The following GIPC2 variants were observed in gnomAD, a reference collection of about 807,000 sequenced individuals.
GIPC2 encodes GIPC PDZ domain containing family member 2, also known as PDZ domain-containing protein GIPC2.
A neutral mutation model predicts 30.6 loss-of-function variants in GIPC2; 30 were observed. That is an observed-to-expected ratio of 0.98 (90% confidence interval 0.73 to 1.33). The LOEUF is 1.33. Ranked by LOEUF, GIPC2 falls within the 40% of genes most tolerant of loss-of-function variation. The probability of loss-of-function intolerance (pLI) is 0.00; values close to 1 mark genes in which losing one functional copy is unlikely to be tolerated. For missense variants in GIPC2, 414 were observed against 390.3 expected (o/e 1.06, Z -0.51); for synonymous variants, 167 against 150.0 (o/e 1.11, Z -0.83).
chr1:78,119,403 G>A lies in GIPC2; in HGVS notation c.618G>A (p.Leu206=). 2.5e-6 allele frequency: 4 copies of A among 1,596,716 alleles called. No individual in the cohort carries two copies. Among genetic ancestry groups the A allele is most frequent in the South Asian group, 1.1e-5 (1 of 90,548 alleles). Residue 206 remains leucine (L), a synonymous_variant, in exon 4 of 6, where the codon CTG becomes CTA. Coordinates refer to ENST00000370759, the MANE Select transcript of GIPC2 (RefSeq NM_017655.6). ...TTCATTGTATTGTAGAAATAGAGCT[G>A]AGGTCAAAGGCTGGAAAGTCATCAG... The part of the protein sequence containing the change: ...IEPKKAFEIE[L]RSKAGKSSGE...
rs553668120 is a variant in GIPC2, at chr1:78,066,526, A to G, written c.241-14149A>G. Among the ~76,000 whole-genome samples, 112 of 152,324 alleles carry G rather than the reference A, an allele frequency of 7.4e-4. 3 individuals are homozygous for G. In the South Asian group the frequency reaches 0.022, roughly 30 times the overall value. ...ACATACCATTTGACCCAGCAATCCC[A>G]TTACTGGATATATACCCAAAGGAAT... On this transcript the variant is annotated intron_variant, in intron 1 of 5. Coordinates refer to ENST00000370759, the MANE Select transcript of GIPC2 (RefSeq NM_017655.6).
chr1:78,128,385 G>A (rs640134), intron 5 of GIPC2, among the ~76,000 whole-genome samples: 37,553 of 152,054 alleles, frequency 0.25, 5,052 homozygotes, highest in East Asian at 0.62. Flanking sequence ...AATCCATGCT[G>A]TGGTCTGGAG....
At chr1:78,056,999 C>G (rs1430121203) in intron 1 of GIPC2, among the ~76,000 whole-genome samples, 2 of 152,106 alleles carry the variant, frequency 1.3e-5, no homozygotes, top group Non-Finnish European at 2.9e-5. Context: ...TTCCTGTAGT[C>G]TAGTTTGGCA....
chr1:78,074,050 T>C (rs948054521), intron 1 of GIPC2, among the ~76,000 whole-genome samples: 15 of 152,154 alleles, frequency 9.9e-5, no homozygotes, highest in African/African-American at 3.6e-4. Flanking sequence ...GGATAGTTTT[T>C]TTATGAGGAG....
intron 1 of GIPC2, among the ~76,000 whole-genome samples, chr1:78,070,219 T>C (rs1661591563): frequency 1.3e-5 from 2 of 152,182 alleles, no homozygotes; most frequent in Admixed American, 1.3e-4. Flanking sequence ...TCCACAAATC[T>C]CTTTACTAAT....
chr1:78,092,108 A>G (rs1662053196), intron 2 of GIPC2: 1 of 1,134,182 alleles, frequency 8.8e-7, no homozygotes, highest in Non-Finnish European at 1.3e-6. Context: ...CCTGTGGTAT[A>G]TGGAAAAGTA....
At chr1:78,095,421 A>G (rs1409887106) in intron 3 of GIPC2, among the ~76,000 whole-genome samples, 2 of 152,198 alleles carry the variant, frequency 1.3e-5, no homozygotes, top group Admixed American at 6.5e-5. Flanking sequence ...ATCTCTGAGA[A>G]CAGCACATTG....
upstream of GIPC2, chr1:78,045,853 G>T: frequency 5.4e-6 from 7 of 1,308,382 alleles, no homozygotes; most frequent in Non-Finnish European, 5.8e-6. Context: ...CTGGTGATAG[G>T]ATGAGGGACT....
At chr1:78,070,108 C>T (rs1661589786) in intron 1 of GIPC2, among the ~76,000 whole-genome samples, 1 of 152,180 alleles carries the variant, frequency 6.6e-6, no homozygotes, top group South Asian at 2.1e-4. Context: ...CTACGAACTT[C>T]TGCCAAACAA....
intron 2 of GIPC2, among the ~76,000 whole-genome samples, chr1:78,086,091 T>C (rs945889621): frequency 6.6e-6 from 1 of 152,188 alleles, no homozygotes; most frequent in African/African-American, 2.4e-5. Flanking sequence ...TAAAACTGCC[T>C]TATCAGTGTC....
chr1:78,116,026 T>A (rs1276595232), intron 3 of GIPC2, among the ~76,000 whole-genome samples: 3 of 152,170 alleles, frequency 2.0e-5, no homozygotes, highest in Non-Finnish European at 4.4e-5. Flanking sequence ...ACTGGGTAAT[T>A]TATAAAGAAA....
intron 1 of GIPC2, among the ~76,000 whole-genome samples, chr1:78,075,618 C>G (rs562303654): frequency 9.5e-4 from 144 of 152,328 alleles, no homozygotes; most frequent in African/African-American, 3.4e-3. Flanking sequence ...AGACCACACA[C>G]AGATAAGGCA....
At chr1:78,111,656 T>G (rs546304064) in intron 3 of GIPC2, among the ~76,000 whole-genome samples, 1 of 152,322 alleles carries the variant, frequency 6.6e-6, no homozygotes, top group South Asian at 2.1e-4. Flanking sequence ...TCTCTCCAGG[T>G]TGAAACACAC....
At chr1:78,119,275 T>C in intron 3 of GIPC2, 118 bp from the exon 4 acceptor site, 1 of 597,132 alleles carries the variant, frequency 1.7e-6, no homozygotes, top group East Asian at 2.9e-5. Context: ...GCCTACGTTT[T>C]ATCAAATTTC....
intron 2 of GIPC2, chr1:78,091,418 G>A (rs2100368036): frequency 1.8e-6 from 1 of 549,442 alleles, no homozygotes; most frequent in South Asian, 2.0e-5. Context: ...CCGATAAGGC[G>A]GCCGCAGGGG....
In GIPC2 at chr1:78,080,876, T is replaced by A. The variant is rs1239524899; in HGVS notation, c.426+16T>A. On this transcript the variant is annotated intron_variant, in intron 2 of 5. Transcript: ENST00000370759. ...TTTTATAAAGGTAAGTTTTAAAAAA[T>A]AACAGTGTAACCTAATTGAGGATAA... is the stretch of plus-strand genomic sequence containing the variant. 6.8e-7 allele frequency: 1 copy of A among 1,465,882 alleles called. No individual in the cohort carries two copies. The allele number at this position is 1,465,882 out of a possible 1,614,324, so 90.8% of individuals were successfully genotyped here.
intron 1 of GIPC2, among the ~76,000 whole-genome samples, chr1:78,055,890 C>T (rs1431749804): frequency 6.6e-6 from 1 of 152,194 alleles, no homozygotes; most frequent in East Asian, 1.9e-4. Context: ...AAATGGCAGA[C>T]ACCTTCCATG....
chr1:78,104,359 A>G (rs1482072907), intron 3 of GIPC2, among the ~76,000 whole-genome samples: 2 of 152,186 alleles, frequency 1.3e-5, no homozygotes, highest in East Asian at 3.9e-4. Context: ...GCTCTTATTA[A>G]TAGCTCTGGG....
intron 2 of GIPC2, chr1:78,092,763 A>G (rs2100371803): frequency 6.6e-6 from 1 of 152,306 alleles, no homozygotes; most frequent in East Asian, 1.9e-4. Context: ...CCAGATTCTT[A>G]TCTGCTGCCT....
Sources: allele counts gnomAD v4.1 joint callset (sites outside exome capture counted in the v4.1 genomes callset), GRCh38; gene constraint gnomAD v4.1.1; transcripts MANE v1.5; gene names NCBI Gene and HGNC (gene_info 2026-07-23, HGNC 2026-07-21).